EPHA6: variants seen among roughly 807,000 people sequenced by gnomAD.
EPHA6 encodes the protein EPH receptor A6.
In EPHA6, 50 loss-of-function variants were observed where a neutral mutation model predicts 112.0. That is an observed-to-expected ratio of 0.45 (90% CI 0.36 to 0.56). EPHA6 has a LOEUF of 0.56. Among genes scored for constraint, EPHA6 ranks in the 20% least tolerant of loss-of-function variants. The pLI, the probability that EPHA6 is intolerant of heterozygous loss-of-function variation, is 0.00. For synonymous variants in EPHA6, 529 were observed against 490.7 expected (o/e 1.08, Z -1.03); for missense variants, 1,280 against 1,417.4 (o/e 0.90, Z 1.56).
At chr3:97,320,816 C>CA (rs1294813082) in intron 5 of EPHA6, among the ~76,000 whole-genome samples, 6,072 of 92,896 alleles carry the variant, frequency 0.065, 320 homozygotes, top group Admixed American at 0.17. Context: ...TCTCTGGGGG[C>CA]AAAAAATAAA....
intron 3 of EPHA6, among the ~76,000 whole-genome samples, chr3:97,057,997 A>G (rs2045903148): frequency 6.6e-6 from 1 of 152,128 alleles, no homozygotes; most frequent in Admixed American, 6.6e-5. Flanking sequence ...TGACTTTTAT[A>G]TGGATTTCCT....
intron 5 of EPHA6, among the ~76,000 whole-genome samples, chr3:97,367,546 G>A (rs1465324197): frequency 3.3e-5 from 5 of 152,018 alleles, no homozygotes; most frequent in Non-Finnish European, 5.9e-5. Flanking sequence ...GATGGTAACA[G>A]TTGTGTTGGG....
intron 9 of EPHA6, 52 bp downstream of exon 9, chr3:97,479,416 A>G: frequency 7.9e-7 from 1 of 1,263,098 alleles, no homozygotes; most frequent in Non-Finnish European, 1.1e-6. Flanking sequence ...CCAGCACTTC[A>G]GGAGTTCATT....
Position 97,097,658 on chromosome 3 carries a change from A to G in EPHA6, c.1114+109665A>G, listed in dbSNP as rs140067024. 1.3e-3 allele frequency among the ~76,000 whole-genome samples: 202 copies of G among 152,018 alleles called. 2 individuals carry two copies. Among genetic ancestry groups the G allele is most frequent in the Non-Finnish European group, 3.5e-4 (24 of 67,866 alleles). ...ACTGCCAGATTGGAAGACCTTTTGT[A>G]TGGAAATGCATGCCATATCAAGTGT... On this transcript the variant is annotated intron_variant, in intron 3 of 17. Transcript: ENST00000389672.
chr3:97,540,017 G>A (rs568243872), intron 11 of EPHA6, among the ~76,000 whole-genome samples: 1 of 152,218 alleles, frequency 6.6e-6, no homozygotes, highest in South Asian at 2.1e-4. Flanking sequence ...GTTATAGGAT[G>A]AAGATGAGAA....
At chr3:97,357,824 A>G (rs904069959) in intron 5 of EPHA6, among the ~76,000 whole-genome samples, 5 of 152,212 alleles carry the variant, frequency 3.3e-5, no homozygotes, top group African/African-American at 4.8e-5. Flanking sequence ...ACAAAATGCT[A>G]TTAACAAAAT....
chr3:97,545,591 C>T (rs183744490), intron 11 of EPHA6, among the ~76,000 whole-genome samples: 1 of 152,180 alleles, frequency 6.6e-6, no homozygotes, highest in East Asian at 1.9e-4. Context: ...CCACTTGGTG[C>T]AGAGCTGAGT....
chr3:97,447,018 A>T (rs570855456), intron 6 of EPHA6, among the ~76,000 whole-genome samples: 163 of 152,062 alleles, frequency 1.1e-3, no homozygotes, highest in Non-Finnish European at 1.9e-3. Context: ...TCTTAATTCA[A>T]TTTTTTTCCT....
rs375872167 is a variant in EPHA6 at position 97,408,497 on chromosome 3, T to A, written c.1731+3223T>A. Among the ~76,000 whole-genome samples, 50 of 152,218 alleles carry A rather than the reference T, an allele frequency of 3.3e-4. No homozygotes were observed. In the East Asian group the frequency reaches 9.5e-3, roughly 29 times the overall value. On this transcript the variant is annotated intron_variant, in intron 6 of 17. Transcript: ENST00000389672. ...CTTCTCTTGCTTCTTTGTTATTTCA[T>A]TATTCTCTTAGTCTGTTTCGGCTAT...
At chr3:97,736,450 AG>A in intron 16 of EPHA6, among the ~76,000 whole-genome samples, 1 of 34,114 alleles carries the variant, frequency 2.9e-5, no homozygotes, top group Non-Finnish European at 8.6e-5. Flanking sequence ...TTAGAAGTAG[AG>A]AGAGAGAGAG....
At position 97,691,770 on chromosome 3, in the gene EPHA6, T is replaced by A. The variant is rs1454832621; in HGVS notation, c.2785-28491T>A. On this transcript the variant is annotated intron_variant, in intron 14 of 17. Transcript: ENST00000389672. ...TGAAACAATAGTTGTAAATTAACATTGATGTAAACATGATTAAGTTTGGAA... is the reference window on the plus strand; with the variant it reads ...TGAAACAATAGTTGTAAATTAACATAGATGTAAACATGATTAAGTTTGGAA... Among the ~76,000 whole-genome samples the A allele has an allele frequency of 2.0e-5, 3 of 152,214 alleles. No individual in the cohort carries two copies. The East Asian group carries it at 5.8e-4, about 29-fold the overall frequency.
chr3:97,593,711 A>G (rs1273999004), intron 12 of EPHA6, among the ~76,000 whole-genome samples: 3 of 152,188 alleles, frequency 2.0e-5, no homozygotes, highest in East Asian at 3.8e-4. Flanking sequence ...TCTTAAGACT[A>G]TTCTACACTG....
chr3:97,329,266 G>A (rs1298434148), intron 5 of EPHA6, among the ~76,000 whole-genome samples: 28 of 151,162 alleles, frequency 1.9e-4, no homozygotes, highest in East Asian at 5.8e-4. Context: ...GAATAGTGCC[G>A]CAATAAACAT....
intron 2 of EPHA6, among the ~76,000 whole-genome samples, chr3:96,964,313 C>T (rs1401913662): frequency 6.6e-6 from 1 of 152,302 alleles, no homozygotes; most frequent in African/African-American, 2.4e-5. Flanking sequence ...TTCAGTGCCA[C>T]ATTATTATCA....
At position 97,482,607 on chromosome 3, in the gene EPHA6, C is replaced by G. The variant is rs151222142; in HGVS notation, c.2075-1327C>G. 1.9e-3 allele frequency among the ~76,000 whole-genome samples: 296 copies of G among 152,298 alleles called. 2 individuals carry two copies. Among genetic ancestry groups the G allele is most frequent in the African/African-American group, 6.8e-3 (282 of 41,558 alleles). On this transcript the variant is annotated intron_variant, in intron 9 of 17. Coordinates refer to ENST00000389672, the MANE Select transcript of EPHA6 (RefSeq NM_001080448.3). ...AAAATGTGTAAATGAAGGCAATGGG[C>G]ATAGAAGGACTAAGGAAGCAAATTG...
At chr3:97,166,550 A>G (rs1420196560) in intron 3 of EPHA6, among the ~76,000 whole-genome samples, 2 of 152,084 alleles carry the variant, frequency 1.3e-5, no homozygotes, top group African/African-American at 4.8e-5. Flanking sequence ...ATATTTATTC[A>G]TATTTGGCAG....
At chr3:97,133,221 T>C (rs190676282) in intron 3 of EPHA6, among the ~76,000 whole-genome samples, 2 of 151,982 alleles carry the variant, frequency 1.3e-5, no homozygotes, top group African/African-American at 2.4e-5. Context: ...AGGAAAGTGA[T>C]GTATGTTTGG....
intron 5 of EPHA6, among the ~76,000 whole-genome samples, chr3:97,357,977 G>A (rs964961753): frequency 2.0e-5 from 3 of 152,088 alleles, no homozygotes; most frequent in Non-Finnish European, 4.4e-5. Context: ...CATGGCAGAT[G>A]CAGAAGATGT....
At chr3:97,615,040 A>G (rs759968240) in intron 13 of EPHA6, among the ~76,000 whole-genome samples, 12 of 152,176 alleles carry the variant, frequency 7.9e-5, no homozygotes, top group Non-Finnish European at 1.5e-4. Context: ...TGAATAATAC[A>G]GAACCTTCAA....
Sources: gnomAD v4.1 joint callset for allele counts (sites outside exome capture counted in the v4.1 genomes callset) on GRCh38, gnomAD v4.1.1 for gene constraint, MANE v1.5 for transcripts, NCBI Gene and HGNC (gene_info 2026-07-23, HGNC 2026-07-21) for gene names.